The following USP10 variants were observed in gnomAD, a reference collection of about 807,000 sequenced individuals.
The protein encoded by USP10 is ubiquitin specific peptidase 10, also known as ubiquitin carboxyl-terminal hydrolase 10.
USP10 carries 22 observed loss-of-function variants against 84.5 expected under a neutral mutation model. That is an observed-to-expected ratio of 0.26 (90% confidence interval 0.19 to 0.37). USP10 has a LOEUF of 0.37. USP10 is among the 10% of genes least tolerant of loss of function. USP10 has a pLI of 1.00. For missense variants in USP10, 1,019 were observed against 998.9 expected, an observed-to-expected ratio of 1.02 and a Z score of -0.27; for synonymous variants, 454 against 387.6, an observed-to-expected ratio of 1.17 and a Z score of -2.01.
chr16:84,772,229 T>G (rs1413363726), intron 11 of USP10, among the ~76,000 whole-genome samples: 1 of 152,144 alleles, frequency 6.6e-6, no homozygotes, highest in South Asian at 2.1e-4. Context: ...TTTTGTATTT[T>G]TAGTAGAGAC....
At position 84,740,215 on chromosome 16, in the gene USP10, T is replaced by A. The variant is rs1200873215; in HGVS notation, c.91-94T>A. 7 of 1,132,778 alleles carry A rather than the reference T, an allele frequency of 6.2e-6. No individual in the cohort carries two copies. In the African/African-American group the frequency reaches 1.1e-4, roughly 17 times the overall value. 70.2% of individuals were successfully genotyped at this position (1,132,778 alleles called of 1,614,324 possible). ...TAACGGCATGCAAAGTTGTATGGAT[T>A]AAGAGTTTTAATGAATTGTTGCCTT... is the stretch of plus-strand genomic sequence containing the variant. On this transcript the variant is annotated intron_variant, in intron 2 of 13. Transcript: ENST00000219473.
intron 1 of USP10, among the ~76,000 whole-genome samples, chr16:84,712,680 A>G (rs1321933797): frequency 6.6e-6 from 1 of 152,184 alleles, no homozygotes; most frequent in African/African-American, 2.4e-5. Context: ...GCTGCTTCCC[A>G]CAGTATCACC....
chr16:84,764,333 G>GCA, intron 10 of USP10, 70 bp downstream of exon 10: 1 of 1,594,922 alleles, frequency 6.3e-7, no homozygotes, highest in Non-Finnish European at 8.6e-7. Flanking sequence ...GAAGGGGGAA[G>GCA]GTGTGAGGCT....
Position 84,778,901 on chromosome 16 carries a change from A to G in USP10, c.2216A>G (p.Tyr739Cys), listed in dbSNP as rs753383327. Residue 739 changes from tyrosine to cysteine, a missense_variant, in exon 14 of 14, where the codon TAC becomes TGC. By Grantham distance (194) the Tyr-to-Cys change is radical (BLOSUM62 -2). This residue lies in a region of USP10 where 232 missense variants were observed against 290.1 expected (regional missense o/e 0.80). Transcript: ENST00000219473. ...HRTYRLFAVV[Y>C]HHGNSATGGH... ...CTGCTGGGCTCTCTTCCAGTGGTCTACCATCACGGCAACAGTGCGACGGGC... is the reference window on the plus strand; with the variant it reads ...CTGCTGGGCTCTCTTCCAGTGGTCTGCCATCACGGCAACAGTGCGACGGGC... The G allele has an allele frequency of 3.7e-6, 6 of 1,613,080 alleles. No individual in the cohort carries two copies. Among genetic ancestry groups the G allele is most frequent in the East Asian group, 2.2e-5 (1 of 44,876 alleles).
chr16:84,700,148 C>A lies in USP10; in HGVS notation c.21+37C>A, dbSNP rs1398040041. 3 of 1,259,768 alleles carry A rather than the reference C, an allele frequency of 2.4e-6. No individual in the cohort carries two copies. In the South Asian group the frequency reaches 5.9e-5, roughly 25 times the overall value. The allele number at this position is 1,259,768 out of a possible 1,614,324, so 78.0% of individuals were successfully genotyped here. A position where few individuals can be genotyped will look rare whatever the true frequency, so the allele number is the denominator to read the frequency against. ...TCTGCGCCTTCGGCCGGAAGGGGCC[C>A]GAGCCCCGGGCGGGCGGACGCCGCG... is the stretch of plus-strand genomic sequence containing the variant. On this transcript the variant is annotated intron_variant, in intron 1 of 13. Coordinates refer to ENST00000219473, the MANE Select transcript of USP10 (RefSeq NM_005153.3).
intron 1 of USP10, among the ~76,000 whole-genome samples, chr16:84,728,895 T>C (rs1455020405): frequency 1.3e-5 from 2 of 152,130 alleles, no homozygotes; most frequent in Non-Finnish European, 2.9e-5. Context: ...GCCTTCCAGG[T>C]TCACGTAATT....
chr16:84,768,560 T>C (rs1457185629), intron 11 of USP10, among the ~76,000 whole-genome samples: 3 of 152,246 alleles, frequency 2.0e-5, no homozygotes, highest in African/African-American at 7.2e-5. Flanking sequence ...CTCTAAATCA[T>C]ATTACACAAG....
chr16:84,702,145 C>T (rs919607319), intron 1 of USP10, among the ~76,000 whole-genome samples: 1 of 149,184 alleles, frequency 6.7e-6, no homozygotes, highest in African/African-American at 2.5e-5. Context: ...CAACCTCTGC[C>T]TCCCGGGTTC....
intron 11 of USP10, among the ~76,000 whole-genome samples, chr16:84,771,142 T>A (rs1057133620): frequency 2.0e-4 from 30 of 152,186 alleles, no homozygotes; most frequent in Non-Finnish European, 3.5e-4. Context: ...GATTGTTATT[T>A]GTAAAGATGC....
intron 1 of USP10, among the ~76,000 whole-genome samples, chr16:84,723,929 C>A (rs2150782854): frequency 6.6e-6 from 1 of 152,290 alleles, no homozygotes; most frequent in East Asian, 1.9e-4. Context: ...GCTTCTGTTA[C>A]AGTTTCTTTT....
At chr16:84,747,601 T>G (rs1911391291) in intron 4 of USP10, among the ~76,000 whole-genome samples, 1 of 145,394 alleles carries the variant, frequency 6.9e-6, no homozygotes, top group South Asian at 2.3e-4. Flanking sequence ...CTCACTCTGT[T>G]GCTCAGGCTG....
chr16:84,747,680 C>G (rs954193898), intron 4 of USP10, among the ~76,000 whole-genome samples: 1 of 149,960 alleles, frequency 6.7e-6, no homozygotes, highest in Admixed American at 6.7e-5. Context: ...TCTCCTGCCT[C>G]GGCCTCCCAA....
At chr16:84,704,853 T>C (rs1905271388) in intron 1 of USP10, 8 of 1,535,612 alleles carry the variant, frequency 5.2e-6, no homozygotes, top group Admixed American at 2.0e-5. Flanking sequence ...TCTCCTGGAA[T>C]AGGGCAGGTA....
At chr16:84,759,978 A>T in intron 7 of USP10, 32 bp downstream of exon 7, 1 of 1,610,356 alleles carries the variant, frequency 6.2e-7, no homozygotes, top group Admixed American at 1.7e-5. Flanking sequence ...TGATGCTATT[A>T]CATATTGGGA....
At chr16:84,757,402 G>GGTGTGTGTGT (rs58812391) in intron 4 of USP10, among the ~76,000 whole-genome samples, 5 of 82,794 alleles carry the variant, frequency 6.0e-5, no homozygotes, top group South Asian at 2.8e-4. Flanking sequence ...GAGGGGTGGG[G>GGTGTGTGTGT]GTGTGTGTGT....
chr16:84,735,559 C>T (rs1357171382), intron 2 of USP10, among the ~76,000 whole-genome samples: 3 of 152,026 alleles, frequency 2.0e-5, no homozygotes, highest in African/African-American at 7.3e-5. Flanking sequence ...ATGCAGAATG[C>T]TTATTCACGT....
At chr16:84,708,690 C>A (rs1376122724) in intron 1 of USP10, among the ~76,000 whole-genome samples, 2 of 152,210 alleles carry the variant, frequency 1.3e-5, no homozygotes, top group East Asian at 1.9e-4. Context: ...CAAAACACTT[C>A]CCAACTCAGG....
Position 84,741,336 on chromosome 16 carries a change from C to T in USP10, c.151+967C>T, listed in dbSNP as rs186724162. ...ATAAAATGAATGAAGCTTGAGGGACCGGGAAGCCGGGCTGCTCAGCCTCCT... is the reference window on the plus strand; with the variant it reads ...ATAAAATGAATGAAGCTTGAGGGACTGGGAAGCCGGGCTGCTCAGCCTCCT... On this transcript the variant is annotated intron_variant, in intron 3 of 13. Coordinates refer to ENST00000219473, the MANE Select transcript of USP10 (RefSeq NM_005153.3). Among the ~76,000 whole-genome samples, 79 of 152,288 alleles carry T rather than the reference C, an allele frequency of 5.2e-4. No individual in the cohort carries two copies. In the Middle Eastern group the frequency reaches 0.01, roughly 20 times the overall value.
chr16:84,707,603 T>A (rs1005532514), intron 1 of USP10, among the ~76,000 whole-genome samples: 3 of 152,198 alleles, frequency 2.0e-5, no homozygotes, highest in Non-Finnish European at 2.9e-5. Flanking sequence ...AAACCTTGTT[T>A]TCAAAATTAT....
Sources: allele counts gnomAD v4.1 joint callset (sites outside exome capture counted in the v4.1 genomes callset), GRCh38; gene constraint gnomAD v4.1.1; regional missense constraint gnomAD v4.1.1; transcripts MANE v1.5; gene names NCBI Gene and HGNC (gene_info 2026-07-23, HGNC 2026-07-21).